DCTN1: variants seen among roughly 807,000 people sequenced by gnomAD.
DCTN1 encodes the protein dynactin subunit 1.
DCTN1 carries 61 observed loss-of-function variants against 161.2 expected under a neutral mutation model. The ratio of observed to expected loss-of-function variants is 0.38; its 90% CI spans 0.31 to 0.47. The LOEUF (loss-of-function observed/expected upper bound fraction) is 0.47, where lower values mean the gene tolerates loss of function less well. DCTN1 is among the 20% of genes least tolerant of loss of function. The pLI is 0.99. For missense variants in DCTN1, 1,404 were observed against 1,623.7 expected (o/e 0.86, Z 2.33); for synonymous variants, 653 against 632.4 (o/e 1.03, Z -0.49).
Position 74,368,214 on chromosome 2 carries a change from A to G in DCTN1, c.1855-83T>C. The G allele has an allele frequency of 2.6e-6, 4 of 1,528,888 alleles. No individual in the cohort carries two copies. The Middle Eastern group carries it at 6.3e-4, about 242-fold the overall frequency. 94.7% of individuals were successfully genotyped at this position (1,528,888 alleles called of 1,614,324 possible). A position where few individuals can be genotyped will look rare whatever the true frequency, so the allele number is the denominator to read the frequency against. The stretch of plus-strand genomic sequence containing the variant: ...TCAGGAATATAGTACTCAGAGCTTA[A>G]CTATGTGGGGAGCATGGACACACAT... On this transcript the variant is annotated intron_variant, in intron 16 of 31. Coordinates refer to ENST00000628224, the MANE Select transcript of DCTN1 (RefSeq NM_004082.5).
Position 74,365,164 on chromosome 2 carries a change from C to T in DCTN1, c.3107G>A (p.Arg1036His), listed in dbSNP as rs762382952. 7 of 1,614,206 alleles carry T rather than the reference C, an allele frequency of 4.3e-6. No homozygotes were observed. Among genetic ancestry groups the T allele is most frequent in the South Asian group, 3.3e-5 (3 of 91,084 alleles). Reference sequence around the variant, plus strand: ...CGTGCGTTTGGACTGGCTGTTCAGACGCTGCTTTAGTTCTGCCTTCTCTGC... The same window carrying T: ...CGTGCGTTTGGACTGGCTGTTCAGATGCTGCTTTAGTTCTGCCTTCTCTGC... ...LEAEKAELKQRLNSQSKRTIE... is the reference protein window; with the variant it reads ...LEAEKAELKQHLNSQSKRTIE... Residue 1036 changes from arginine (R) to histidine (H), a missense_variant, in exon 26 of 32, where the codon CGT becomes CAT. Transcript: ENST00000628224.
intron 7 of DCTN1, 73 bp downstream of exon 7, chr2:74,372,855 C>T (rs1432017232): frequency 2.1e-6 from 3 of 1,435,230 alleles, no homozygotes; most frequent in African/African-American, 1.4e-5. Flanking sequence ...CATACACGTG[C>T]CCTCATACAT....
chr2:74,385,857 A>C (rs999802098), intron 1 of DCTN1: 1 of 152,210 alleles, frequency 6.6e-6, no homozygotes, highest in African/African-American at 2.4e-5. Flanking sequence ...AACTGAGAAA[A>C]CACATAAGGT....
At chr2:74,373,686 C>A (rs1675036250) in intron 6 of DCTN1, among the ~76,000 whole-genome samples, 2 of 152,342 alleles carry the variant, frequency 1.3e-5, no homozygotes, top group Non-Finnish European at 2.9e-5. Flanking sequence ...CAGGTTACTG[C>A]AAAATGGTAA....
In DCTN1 at chr2:74,368,565, C is replaced by T. The variant is rs77521393; in HGVS notation, c.1854+163G>A. The stretch of plus-strand genomic sequence containing the variant: ...CAGAACCTATCTCTCCTTGAAAACA[C>T]ACCATTTGTAATATATATTAATCGG... On this transcript the variant is annotated intron_variant, in intron 16 of 31. Coordinates refer to ENST00000628224, the MANE Select transcript of DCTN1 (RefSeq NM_004082.5). The T allele has an allele frequency of 7.7e-4, 727 of 943,962 alleles. 2 individuals are homozygous for T. The African/African-American group carries it at 0.01, about 13-fold the overall frequency. The allele number at this position is 943,962 out of a possible 1,614,324, so 58.5% of individuals were successfully genotyped here.
rs1399578895 is a variant in DCTN1 at position 74,369,273 on chromosome 2, G to A, written c.1584+27C>T. ...ATAAGGAAGCCCTGGGGTGATGGTG[G>A]GCAGAGAGCAAACAGTGGGCATGTA... On this transcript the variant is annotated intron_variant, in intron 14 of 31. Coordinates refer to ENST00000628224, the MANE Select transcript of DCTN1 (RefSeq NM_004082.5). This position sits in a 1 kb window ranked among gnomAD's most constrained non-coding sequence, Gnocchi z 4.9. The A allele has an allele frequency of 6.2e-7, 1 of 1,614,192 alleles. No individual in the cohort carries two copies. The highest frequency in any genetic ancestry group is 1.1e-5 in the South Asian group (1 of 91,086).
intron 15 of DCTN1, 49 bp from the exon 16 acceptor site, chr2:74,368,929 C>T (rs1439705058): frequency 1.9e-6 from 3 of 1,609,198 alleles, no homozygotes; most frequent in Non-Finnish European, 2.6e-6. Context: ...TGAAAGAGCC[C>T]CAAAATTCCC....
intron 1 of DCTN1, among the ~76,000 whole-genome samples, chr2:74,387,825 A>G (rs1675809965): frequency 6.6e-6 from 1 of 152,194 alleles, no homozygotes; most frequent in Admixed American, 6.5e-5. Context: ...CTTCCTGCCT[A>G]AAAGTCTCCA....
chr2:74,376,854 G>T, intron 4 of DCTN1, 92 bp from the exon 5 acceptor site: 1 of 1,186,448 alleles, frequency 8.4e-7, no homozygotes, highest in South Asian at 1.3e-5. Context: ...GTTAGACGCG[G>T]GTAGGGGGGA....
Position 74,365,943 on chromosome 2 carries a change from C to G in DCTN1, c.2836G>C (p.Glu946Gln). The part of the protein sequence containing the change: ...TDAEGLGLKL[E>Q]DRETVIKELK... ...TCCTTAATAACTGTCTCTCGATCTT[C>G]GAGCTTCAAACCCAGGCCTTCAGCA... The change falls in exon 24 of 32, where the codon GAA (glutamate) becomes CAA (glutamine). Residue 946 changes from glutamate (E) to glutamine (Q), a missense_variant. Physicochemically the swap from Glu to Gln is conservative, Grantham distance 29. Transcript: ENST00000628224. 1.2e-6 allele frequency: 2 copies of G among 1,614,240 alleles called. No homozygotes were observed. Among genetic ancestry groups the G allele is most frequent in the Non-Finnish European group, 1.7e-6 (2 of 1,180,054 alleles).
In DCTN1 at chr2:74,369,213, T is replaced by A; in HGVS notation, c.1586A>T (p.Asp529Val). The A allele has an allele frequency of 6.2e-7, 1 of 1,614,142 alleles. No individual in the cohort carries two copies. Among genetic ancestry groups the A allele is most frequent in the Non-Finnish European group, 8.5e-7 (1 of 1,180,020 alleles). ...KYRQLTAHLQDVNRELTNQQE... is the reference protein window; with the variant it reads ...KYRQLTAHLQVVNRELTNQQE... Reference sequence around the variant, plus strand: ...CTGGTTTGTCAGTTCCCGATTCACATCCTAGGAGGAGAGACAGTGAAGCAC... The same window carrying A: ...CTGGTTTGTCAGTTCCCGATTCACAACCTAGGAGGAGAGACAGTGAAGCAC... The change falls in exon 15 of 32, where the codon GAT becomes GTT. Residue 529 changes from aspartate to valine, a missense_variant and splice_region_variant. Asp to Val is a radical substitution (Grantham distance 152). Coordinates refer to ENST00000628224, the MANE Select transcript of DCTN1 (RefSeq NM_004082.5). The surrounding 1 kb of genome is among the most constrained non-coding windows in gnomAD (Gnocchi z 4.9).
chr2:74,383,919 C>A (rs1254619054), upstream of DCTN1: 1 of 152,210 alleles, frequency 6.6e-6, no homozygotes, highest in Non-Finnish European at 1.5e-5. Flanking sequence ...TAGATATCAT[C>A]TTCATTCATT....
rs767584504 is a variant in DCTN1 at position 74,362,557 on chromosome 2, C to T, written c.3609+93G>A. 71 of 1,360,322 alleles carry T rather than the reference C, an allele frequency of 5.2e-5. No individual in the cohort carries two copies. In the South Asian group the frequency reaches 8.7e-4, roughly 17 times the overall value. 84.3% of individuals were successfully genotyped at this position (1,360,322 alleles called of 1,614,324 possible). ...CTTCCATCTCCTCCCCAATTGCTGTCTAGCACAGGGCTGGGCTCAGAGGAA... is the reference window on the plus strand; with the variant it reads ...CTTCCATCTCCTCCCCAATTGCTGTTTAGCACAGGGCTGGGCTCAGAGGAA... On this transcript the variant is annotated intron_variant, in intron 30 of 31. Transcript: ENST00000628224.
At chr2:74,363,199 T>C (rs367689262) in intron 28 of DCTN1, 22 bp from the exon 29 acceptor site, 7 of 1,613,916 alleles carry the variant, frequency 4.3e-6, no homozygotes, top group South Asian at 1.1e-5. Context: ...AAAAGAAGGA[T>C]AGTGGTAAGA....
Position 74,369,413 on chromosome 2 carries a change from T to C in DCTN1, c.1471A>G (p.Met491Val), listed in dbSNP as rs755324462. 10 of 1,614,060 alleles carry C rather than the reference T, an allele frequency of 6.2e-6. No individual in the cohort carries two copies. Among genetic ancestry groups the C allele is most frequent in the Middle Eastern group, 1.6e-4 (1 of 6,084 alleles). The part of the protein sequence containing the change: ...TELELREQLD[M>V]AGARVREAQK... ...GCCTCACGAACCCGCGCGCCTGCCA[T>C]GTCCAGCTGCTCCCGCAGCTCCAGT... is the stretch of plus-strand genomic sequence containing the variant. Residue 491 changes from methionine to valine, a missense_variant, in exon 14 of 32, where the codon ATG becomes GTG. Physicochemically the swap from Met to Val is conservative, Grantham distance 21. Transcript: ENST00000628224. The surrounding 1 kb of genome is among the most constrained non-coding windows in gnomAD (Gnocchi z 4.9).
rs147939455 is a variant in DCTN1, at chr2:74,374,336, G to T, written c.419C>A (p.Pro140Gln). Reference sequence around the variant, plus strand: ...AAGCAAGAGTACCTTTCGGGCTGTCGGTGCCTGTCTCATCATTGCAGAAAA... The same window carrying T: ...AAGCAAGAGTACCTTTCGGGCTGTCTGTGCCTGTCTCATCATTGCAGAAAA... ...KLRGLKPKKAPTARKTTTRRP... is the reference protein window; with the variant it reads ...KLRGLKPKKAQTARKTTTRRP... Residue 140 changes from proline (P) to glutamine (Q), a missense_variant, in exon 6 of 32, where the codon CCG becomes CAG. Physicochemically the swap from Pro to Gln is moderately conservative, Grantham distance 76. This residue lies in a region of DCTN1 where 174 missense variants were observed against 175.6 expected (regional missense o/e 0.99). Coordinates refer to ENST00000628224, the MANE Select transcript of DCTN1 (RefSeq NM_004082.5). 5 of 1,613,122 alleles carry T rather than the reference G, an allele frequency of 3.1e-6. No homozygotes were observed. The African/African-American group carries it at 5.3e-5, about 17-fold the overall frequency.
chr2:74,361,472 G>A lies in DCTN1; in HGVS notation c.*27C>T, dbSNP rs774992924. On this transcript the variant is annotated 3_prime_UTR_variant, in exon 32 of 32. Coordinates refer to ENST00000628224, the MANE Select transcript of DCTN1 (RefSeq NM_004082.5). ...GAGCGGCACCAGAGGGCTGAGGGTC[G>A]AAGGGGACAGCAGGGGAAAGGAGTG... is the stretch of plus-strand genomic sequence containing the variant. The A allele has an allele frequency of 8.1e-6, 13 of 1,613,800 alleles. No homozygotes were observed. The highest frequency in any genetic ancestry group is 1.7e-4 in the Middle Eastern group (1 of 6,038).
intron 18 of DCTN1, 105 bp from the exon 19 acceptor site, chr2:74,367,525 A>C: frequency 6.7e-7 from 1 of 1,488,894 alleles, no homozygotes; most frequent in South Asian, 1.2e-5. Context: ...CTGGAGGTAC[A>C]AGAGAATCCA....
chr2:74,363,799 G>A (rs773090504), intron 26 of DCTN1, 171 bp from the exon 27 acceptor site: 39 of 856,930 alleles, frequency 4.6e-5, no homozygotes, highest in Non-Finnish European at 7.1e-5. Flanking sequence ...CTTTGGGGAC[G>A]AGCAGATAAG....
Sources: allele counts gnomAD v4.1 joint callset (sites outside exome capture counted in the v4.1 genomes callset), GRCh38; gene constraint gnomAD v4.1.1; regional missense constraint gnomAD v4.1.1; non-coding constraint Gnocchi (gnomAD v3.1); transcripts MANE v1.5; gene names NCBI Gene and HGNC (gene_info 2026-07-23, HGNC 2026-07-21).